Variants in TENM1 observed in about 807,000 individuals in gnomAD.
TENM1 encodes teneurin transmembrane protein 1.
In TENM1, 35 loss-of-function variants were observed where a neutral mutation model predicts 174.8. The observed-to-expected ratio is 0.20, with a 90% CI of 0.15 to 0.27. The LOEUF is 0.27. Among genes scored for constraint, TENM1 ranks in the 10% least tolerant of loss-of-function variants. TENM1 has a pLI of 1.00. For missense variants in TENM1, 1,633 were observed against 2,130.1 expected, an observed-to-expected ratio of 0.77 and a Z score of 4.59; for synonymous variants, 781 against 798.7, an observed-to-expected ratio of 0.98 and a Z score of 0.37.
chrX:124,445,409 T>C (rs762279141), intron 23 of TENM1, among the ~76,000 whole-genome samples: 14 of 112,044 alleles, frequency 1.2e-4, no homozygotes, highest in African/African-American at 3.9e-4. Context: ...AAGCATCAAA[T>C]AACTGAGAAG....
chrX:124,898,968 T>C (rs898000785), intron 1 of TENM1, among the ~76,000 whole-genome samples: 2 of 112,210 alleles, frequency 1.8e-5, no homozygotes, highest in African/African-American at 3.2e-5. Flanking sequence ...GTTGCTCTTC[T>C]TTTTTAAGTG....
the TENM1 span, among the ~76,000 whole-genome samples, chrX:125,004,577 T>C: frequency 4.5e-5 from 5 of 112,355 alleles, no homozygotes. Context: ...AACAGCATAA[T>C]ACTTTTTTGA....
intron 3 of TENM1, among the ~76,000 whole-genome samples, chrX:124,816,015 A>C (rs1208816355): frequency 2.7e-5 from 3 of 111,870 alleles, no homozygotes; most frequent in African/African-American, 9.7e-5. Context: ...TTGATGAAAA[A>C]GAATTGGGTT....
intron 1 of TENM1, among the ~76,000 whole-genome samples, chrX:124,946,047 C>T (rs988355593): frequency 1.8e-5 from 2 of 111,911 alleles, no homozygotes; most frequent in African/African-American, 3.3e-5. Flanking sequence ...TGTGTTAACC[C>T]TCTCACACTT....
chrX:124,672,624 A>G (rs1037002955), intron 5 of TENM1, among the ~76,000 whole-genome samples: 3 of 112,078 alleles, frequency 2.7e-5, no homozygotes, highest in Non-Finnish European at 3.8e-5. Context: ...CCAAAGTACA[A>G]TGCTGTCTAT....
the TENM1 span, among the ~76,000 whole-genome samples, chrX:125,136,593 A>G: frequency 9.0e-6 from 1 of 111,539 alleles, no homozygotes; most frequent in South Asian, 3.7e-4. Context: ...AACAAACCAG[A>G]CGAACCTAGA....
chrX:124,913,553 C>T (rs868416776), intron 1 of TENM1, among the ~76,000 whole-genome samples: 6 of 111,804 alleles, frequency 5.4e-5, no homozygotes, highest in African/African-American at 1.6e-4. Context: ...CATATATACA[C>T]ATGTGCACAC....
At chrX:124,712,626 C>T (rs757850187) in intron 4 of TENM1, among the ~76,000 whole-genome samples, 178 of 110,252 alleles carry the variant, frequency 1.6e-3, no homozygotes, top group African/African-American at 5.8e-3. Context: ...GGACTACAGG[C>T]GCTTGCCACC....
At chrX:124,602,698 C>T (rs1356589585) in intron 11 of TENM1, among the ~76,000 whole-genome samples, 7 of 109,875 alleles carry the variant, frequency 6.4e-5, no homozygotes, top group Non-Finnish European at 9.5e-5. Context: ...GCTATTTTCA[C>T]GGTTTTAATG....
chrX:124,862,608 G>T (rs2056934444), intron 3 of TENM1, among the ~76,000 whole-genome samples: 1 of 111,399 alleles, frequency 9.0e-6, no homozygotes, highest in East Asian at 2.9e-4. Context: ...ACTGATCTCA[G>T]AGGTCCAAAC....
intron 11 of TENM1, among the ~76,000 whole-genome samples, chrX:124,596,778 A>G (rs2049901296): frequency 9.0e-6 from 1 of 111,546 alleles, no homozygotes; most frequent in South Asian, 3.8e-4. Flanking sequence ...GGACTTTATT[A>G]TAGTAGCAAT....
At chrX:125,149,363 A>G in the TENM1 span, among the ~76,000 whole-genome samples, 1 of 111,738 alleles carries the variant, frequency 8.9e-6, no homozygotes, top group Non-Finnish European at 1.9e-5. Context: ...GCCATGGCAC[A>G]TTGTATCTAT....
chrX:124,520,933 C>T, intron 17 of TENM1, 149 bp from the exon 21 acceptor site: 1 of 508,251 alleles, frequency 2.0e-6, no homozygotes, highest in Admixed American at 4.2e-5. Context: ...GTTCTTGAAT[C>T]TTTGTGAGAC....
intron 22 of TENM1, among the ~76,000 whole-genome samples, chrX:124,463,644 G>C (rs1295613201): frequency 3.6e-5 from 4 of 110,858 alleles, no homozygotes; most frequent in Non-Finnish European, 7.5e-5. Flanking sequence ...TTAAATTATT[G>C]GTGTAAAAGC....
intron 11 of TENM1, among the ~76,000 whole-genome samples, chrX:124,602,081 T>C (rs2843513): frequency 0.25 from 27,564 of 110,217 alleles, 2,691 homozygotes; most frequent in South Asian, 0.41. Flanking sequence ...TTTGGCATCA[T>C]TAATCAGAAC....
chrX:124,596,998 C>A (rs769037863), intron 11 of TENM1, among the ~76,000 whole-genome samples: 2 of 111,139 alleles, frequency 1.8e-5, no homozygotes, highest in East Asian at 2.8e-4. Context: ...GCAAGAATGG[C>A]CATAATTTTA....
At chrX:125,001,852 T>TACACACACACAC in the TENM1 span, among the ~76,000 whole-genome samples, 1 of 84,926 alleles carries the variant, frequency 1.2e-5, no homozygotes, top group East Asian at 3.8e-4. Context: ...TATAGATAGA[T>TACACACACACAC]ACACACACAC....
rs58952493 is a variant in TENM1, at chrX:124,647,718, A to T, written c.1580-908T>A. 9.4e-3 allele frequency among the ~76,000 whole-genome samples: 978 copies of T among 104,430 alleles called. 11 individuals carry two copies. Among genetic ancestry groups the T allele is most frequent in the African/African-American group, 0.034 (943 of 27,858 alleles). The allele number at this position is 104,430 out of a possible 115,157, so 90.7% of individuals were successfully genotyped here. ...GTACCTATGCTTTATTCTCGCAGGG[A>T]TTTTTTTTTGTGGTGTGTGTGTGTG... On this transcript the variant is annotated intron_variant, in intron 8 of 31. Coordinates refer to ENST00000422452, the Ensembl canonical transcript of TENM1.
At chrX:125,177,047 T>G in the TENM1 span, among the ~76,000 whole-genome samples, 1 of 110,952 alleles carries the variant, frequency 9.0e-6, no homozygotes, top group Non-Finnish European at 1.9e-5. Context: ...GGTGTAAAAT[T>G]AAACAAAATT....
Sources: allele counts gnomAD v4.1 joint callset (sites outside exome capture counted in the v4.1 genomes callset), GRCh38; gene constraint gnomAD v4.1.1; transcripts MANE v1.5; gene names NCBI Gene and HGNC (gene_info 2026-07-23, HGNC 2026-07-21).